Variants in SGSM2 observed in about 807,000 individuals in gnomAD.
SGSM2 encodes the protein small G protein signaling modulator 2.
SGSM2 carries 89 observed loss-of-function variants against 126.6 expected under a neutral mutation model. The ratio of observed to expected loss-of-function variants is 0.70; its 90% CI spans 0.59 to 0.84. The LOEUF (loss-of-function observed/expected upper bound fraction) is 0.84. Ranked by LOEUF, SGSM2 falls within the 40% of genes least tolerant of loss-of-function variation. The probability of loss-of-function intolerance (pLI) is 0.00; values close to 1 mark genes in which losing one functional copy is unlikely to be tolerated. For missense variants in SGSM2, 1,404 were observed against 1,416.6 expected (o/e 0.99, Z 0.14); for synonymous variants, 614 against 574.3 (o/e 1.07, Z -0.99).
chr17:2,375,776 C>T lies in SGSM2; in HGVS notation c.2385C>T (p.His795=). ...CCAGTGGGCCCGGCCCTGCAGCTCA[C>T]ACTTTGAGGGAGCCCCAGGATCCCA... ...EGSSGPGPAA[H]TLREPQDPSQ... is the part of the protein sequence containing the mutation. The change falls in exon 18 of 24, where the codon CAC becomes CAT. Residue 795 remains histidine, a synonymous_variant. Coordinates refer to ENST00000268989, the MANE Select transcript of SGSM2 (RefSeq NM_014853.3). 1 of 1,591,508 alleles carries T rather than the reference C, an allele frequency of 6.3e-7. No homozygotes were observed. The highest frequency in any genetic ancestry group is 8.6e-7 in the Non-Finnish European group (1 of 1,167,998).
chr17:2,349,258 C>G (rs2151500028), intron 2 of SGSM2, among the ~76,000 whole-genome samples: 1 of 152,290 alleles, frequency 6.6e-6, no homozygotes, highest in East Asian at 1.9e-4. Context: ...CGCCTGTAAT[C>G]CCAGCTCTTT....
rs759973600 is a variant in SGSM2 at position 2,367,856 on chromosome 17, C to A, written c.1423+451C>A. On this transcript the variant is annotated intron_variant, in intron 12 of 23. Transcript: ENST00000268989. This position sits in a 1 kb window ranked among gnomAD's most constrained non-coding sequence, Gnocchi z 4.0. The stretch of plus-strand genomic sequence containing the variant: ...TACCGGGTCCTTCCTGGGGCAGGGG[C>A]AGCAGCTGTGGGTCAGGCGAGGGGT... 1.1e-4 allele frequency among the ~76,000 whole-genome samples: 16 copies of A among 152,180 alleles called. No individual in the cohort carries two copies. Among genetic ancestry groups the A allele is most frequent in the Admixed American group, 3.3e-4 (5 of 15,286 alleles).
Position 2,337,819 on chromosome 17 carries a change from C to G in SGSM2, c.57+74C>G, listed in dbSNP as rs2064147377. 2 of 1,216,876 alleles carry G rather than the reference C, an allele frequency of 1.6e-6. No homozygotes were observed. The highest frequency in any genetic ancestry group is 3.5e-5 in the East Asian group (1 of 28,332). The allele number at this position is 1,216,876 out of a possible 1,614,324, so 75.4% of individuals were successfully genotyped here. ...GCCCAGGGGGCAGAAAGGTCCGCGC[C>G]CACCCCCCGGCGCGGGCACCCGGGC... On this transcript the variant is annotated intron_variant, in intron 1 of 23. Transcript: ENST00000268989. The surrounding 1 kb of genome is among the most constrained non-coding windows in gnomAD (Gnocchi z 5.1).
At chr17:2,347,408 C>CT (rs2064646653) in intron 2 of SGSM2, among the ~76,000 whole-genome samples, 11 of 146,590 alleles carry the variant, frequency 7.5e-5, no homozygotes, top group African/African-American at 2.5e-4. Flanking sequence ...CACCCGGCCT[C>CT]ATTTTTTTTT....
Position 2,375,488 on chromosome 17 carries a change from C to G in SGSM2, c.2101-4C>G, listed in dbSNP as rs370436215. The G allele has an allele frequency of 8.4e-5, 134 of 1,604,162 alleles. No homozygotes were observed. The African/African-American group carries it at 1.4e-3, about 17-fold the overall frequency. On this transcript the variant is annotated splice_polypyrimidine_tract_variant and splice_region_variant and intron_variant, in intron 17 of 23. Transcript: ENST00000268989. ...GGTGGAGCCGCCCTGTGTTCACCCCCCAGGTGTTTATCTCAGTGGATGATC... is the reference window on the plus strand; with the variant it reads ...GGTGGAGCCGCCCTGTGTTCACCCCGCAGGTGTTTATCTCAGTGGATGATC...
At chr17:2,352,322 G>C (rs897098153) in intron 2 of SGSM2, among the ~76,000 whole-genome samples, 1 of 152,196 alleles carries the variant, frequency 6.6e-6, no homozygotes, top group Non-Finnish European at 1.5e-5. Context: ...CAAAGCCCCA[G>C]GTCCAGAATG....
chr17:2,365,154 T>C lies in SGSM2; in HGVS notation c.1162-61T>C, dbSNP rs1597363388. 14 of 1,589,778 alleles carry C rather than the reference T, an allele frequency of 8.8e-6. No homozygotes were observed. In the South Asian group the frequency reaches 1.5e-4, roughly 17 times the overall value. On this transcript the variant is annotated intron_variant, in intron 10 of 23. Transcript: ENST00000268989. ...CGTGGAGTTCTTAGGAGCGGCCTTG[T>C]GTGGAACCCTGGATGAGACTCTGCC...
At chr17:2,341,609 G>T (rs923708466) in intron 1 of SGSM2, among the ~76,000 whole-genome samples, 1 of 152,206 alleles carries the variant, frequency 6.6e-6, no homozygotes, top group African/African-American at 2.4e-5. Context: ...AAAGAATGGG[G>T]AAGACTAGCT....
chr17:2,369,894 C>T (rs528148188), intron 12 of SGSM2, among the ~76,000 whole-genome samples: 3 of 152,328 alleles, frequency 2.0e-5, no homozygotes, highest in East Asian at 3.9e-4. Flanking sequence ...CTCCCAGAGC[C>T]GCAGCCCCTC....
Position 2,363,685 on chromosome 17 carries a change from G to T in SGSM2, c.807+86G>T. ...CTCTAGCCATGGCTATTCCTTTCCT[G>T]AGGAGCTTGACCAGAGACGGGGGGG... On this transcript the variant is annotated intron_variant, in intron 7 of 23. Coordinates refer to ENST00000268989, the MANE Select transcript of SGSM2 (RefSeq NM_014853.3). This position sits in a 1 kb window ranked among gnomAD's most constrained non-coding sequence, Gnocchi z 4.2. The T allele has an allele frequency of 1.3e-6, 2 of 1,545,962 alleles. No individual in the cohort carries two copies. The highest frequency in any genetic ancestry group is 1.8e-6 in the Non-Finnish European group (2 of 1,140,606).
rs983765292 is a variant in SGSM2, at chr17:2,363,215, G to A, written c.672+81G>A. 12 of 1,480,170 alleles carry A rather than the reference G, an allele frequency of 8.1e-6. No homozygotes were observed. Among genetic ancestry groups the A allele is most frequent in the Non-Finnish European group, 1.1e-5 (12 of 1,111,732 alleles). 91.7% of individuals were successfully genotyped at this position (1,480,170 alleles called of 1,614,324 possible). ...AGGGACGGGAAACCGGCCTCTCTAC[G>A]GGACAGGCCTTGGAGATGCCCCAAG... On this transcript the variant is annotated intron_variant, in intron 6 of 23. Transcript: ENST00000268989. This position sits in a 1 kb window ranked among gnomAD's most constrained non-coding sequence, Gnocchi z 4.2.
chr17:2,377,988 G>C lies in SGSM2; in HGVS notation c.2899+35G>C, dbSNP rs763605080. Reference sequence around the variant, plus strand: ...GGGTTGGATCATGGGGCTGAGGTCAGGGACAGTGAGAGATCCCTCTTCCCC... The same window carrying C: ...GGGTTGGATCATGGGGCTGAGGTCACGGACAGTGAGAGATCCCTCTTCCCC... On this transcript the variant is annotated intron_variant, in intron 22 of 23. Coordinates refer to ENST00000268989, the MANE Select transcript of SGSM2 (RefSeq NM_014853.3). 5 of 1,321,260 alleles carry C rather than the reference G, an allele frequency of 3.8e-6. No homozygotes were observed. The African/African-American group carries it at 4.3e-5, about 11-fold the overall frequency. 81.8% of individuals were successfully genotyped at this position (1,321,260 alleles called of 1,614,324 possible).
intron 17 of SGSM2, chr17:2,373,809 C>T: frequency 5.2e-6 from 2 of 384,510 alleles, no homozygotes; most frequent in African/African-American, 2.0e-5. Context: ...AGAAAGACCT[C>T]AAAGCTAGCA....
At position 2,375,821 on chromosome 17, in the gene SGSM2, C is replaced by T. The variant is rs760794259; in HGVS notation, c.2430C>T (p.Ala810=). The stretch of plus-strand genomic sequence containing the variant: ...ATCCCAGCCAGGAGAAGCCTCAGGC[C>T]GGAGAACTGGAGGCCGGAGAGGAGC... ...PQDPSQEKPQ[A]GELEAGEELA... is the part of the protein sequence containing the mutation. Residue 810 remains alanine, a synonymous_variant, in exon 18 of 24, where the codon GCC becomes GCT. Coordinates refer to ENST00000268989, the MANE Select transcript of SGSM2 (RefSeq NM_014853.3). 53 of 1,552,214 alleles carry T rather than the reference C, an allele frequency of 3.4e-5. No homozygotes were observed. The highest frequency in any genetic ancestry group is 4.3e-5 in the Non-Finnish European group (49 of 1,150,896).
chr17:2,351,355 G>A (rs2064844349), intron 2 of SGSM2, among the ~76,000 whole-genome samples: 1 of 152,210 alleles, frequency 6.6e-6, no homozygotes, highest in Admixed American at 6.5e-5. Flanking sequence ...CTACCCAGGA[G>A]TAGAGACTAG....
intron 3 of SGSM2, 49 bp downstream of exon 3, chr17:2,361,848 T>C: frequency 6.5e-7 from 1 of 1,542,990 alleles, no homozygotes; most frequent in Non-Finnish European, 8.7e-7. Flanking sequence ...TCTTCCCACT[T>C]GGCAATTGCT....
At chr17:2,361,881 A>G (rs933746163) in intron 3 of SGSM2, 82 bp downstream of exon 3, 1 of 1,496,294 alleles carries the variant, frequency 6.7e-7, no homozygotes, top group African/African-American at 1.4e-5. Flanking sequence ...ACCCATCGGA[A>G]AGTTGGCATC....
At chr17:2,361,544 C>T in intron 2 of SGSM2, 93 bp from the exon 3 acceptor site, 1 of 1,497,804 alleles carries the variant, frequency 6.7e-7, no homozygotes, top group South Asian at 1.2e-5. Flanking sequence ...TTGCCCTTAC[C>T]CCTTGCCTCA....
At chr17:2,378,892 A>C (rs1285707515) in intron 22 of SGSM2, 144 bp from the exon 23 acceptor site, 1 of 957,680 alleles carries the variant, frequency 1.0e-6, no homozygotes, top group Non-Finnish European at 1.5e-6. Context: ...GCCTGTGAGC[A>C]GCCAGTCCGG....
Sources: gnomAD v4.1 joint callset for allele counts (sites outside exome capture counted in the v4.1 genomes callset) on GRCh38, gnomAD v4.1.1 for gene constraint, Gnocchi (gnomAD v3.1) non-coding constraint, MANE v1.5 for transcripts, NCBI Gene and HGNC (gene_info 2026-07-23, HGNC 2026-07-21) for gene names.